FAM184A: variants seen among roughly 807,000 people sequenced by gnomAD.
FAM184A encodes protein FAM184A.
FAM184A carries 99 observed loss-of-function variants against 143.8 expected under a neutral mutation model. That is an observed-to-expected ratio of 0.69 (90% CI 0.58 to 0.81). The LOEUF (loss-of-function observed/expected upper bound fraction) is 0.81, where lower values mean the gene tolerates loss of function less well. Ranked by LOEUF, FAM184A falls within the 40% of genes least tolerant of loss-of-function variation. The pLI, the probability that FAM184A is intolerant of heterozygous loss-of-function variation, is 0.00. For missense variants in FAM184A, 1,217 were observed against 1,310.5 expected, an observed-to-expected ratio of 0.93 and a Z score of 1.10; for synonymous variants, 427 against 446.4, an observed-to-expected ratio of 0.96 and a Z score of 0.55.
chr6:119,075,818 T>C (rs1358840028), intron 1 of FAM184A, among the ~76,000 whole-genome samples: 2 of 152,218 alleles, frequency 1.3e-5, no homozygotes, highest in Non-Finnish European at 2.9e-5. Flanking sequence ...ATGCTTATGG[T>C]ATAGTATTTA....
chr6:118,978,423 C>T (rs1783912907), intron 11 of FAM184A, among the ~76,000 whole-genome samples: 1 of 152,208 alleles, frequency 6.6e-6, no homozygotes, highest in African/African-American at 2.4e-5. Flanking sequence ...CATTTCACTA[C>T]AATTCCTGTG....
intron 1 of FAM184A, among the ~76,000 whole-genome samples, chr6:119,035,246 C>A (rs578176386): frequency 6.0e-4 from 92 of 152,152 alleles, no homozygotes; most frequent in African/African-American, 2.0e-3. Context: ...CAAGAGCATT[C>A]CAAAGTTAAC....
intron 1 of FAM184A, among the ~76,000 whole-genome samples, chr6:119,052,816 G>C (rs1766738235): frequency 6.6e-6 from 1 of 152,160 alleles, no homozygotes. Flanking sequence ...TAAGGAATTT[G>C]AATTTCTAAA....
At chr6:118,985,061 G>A (rs1784150206) in intron 9 of FAM184A, among the ~76,000 whole-genome samples, 1 of 152,224 alleles carries the variant, frequency 6.6e-6, no homozygotes, top group Non-Finnish European at 1.5e-5. Flanking sequence ...ACTGCAGACT[G>A]TAATGGCTTA....
At chr6:119,037,434 G>C (rs1019985531) in intron 1 of FAM184A, among the ~76,000 whole-genome samples, 2 of 152,088 alleles carry the variant, frequency 1.3e-5, no homozygotes, top group Non-Finnish European at 2.9e-5. Flanking sequence ...CTGAGTAGCT[G>C]GGACTACAAG....
rs762273227 is a variant in FAM184A at position 119,078,264 on chromosome 6, A to T, written c.36T>A (p.Tyr12Ter). ...CGAATTTGGCCGCCGAGCCGCCGTA[A>T]TAGTGCTGCTGCCAGCTCATGCCCG... ...ATPGMSWQQHYYGGSAAKFAP... is the reference protein window; with the variant it reads ...ATPGMSWQQH Residue 12 changes from tyrosine (Y) to a stop codon, truncating the protein, a stop_gained, in exon 1 of 18, where the codon TAT becomes TAA. Transcript: ENST00000338891. LOFTEE classifies it high-confidence loss of function. This position sits in a 1 kb window ranked among gnomAD's most constrained non-coding sequence, Gnocchi z 5.5. 4.8e-5 allele frequency: 73 copies of T among 1,534,388 alleles called. No homozygotes were observed. Among genetic ancestry groups the T allele is most frequent in the Admixed American group, 1.4e-4 (7 of 51,114 alleles).
At chr6:119,082,553 T>A (rs765110819), upstream of FAM184A, among the ~76,000 whole-genome samples, 7 of 152,222 alleles carry the variant, frequency 4.6e-5, no homozygotes, top group Non-Finnish European at 1.0e-4. Flanking sequence ...TGGGAGAAAT[T>A]GGCCAAAACA....
At chr6:118,999,203 G>C (rs902588099) in intron 9 of FAM184A, among the ~76,000 whole-genome samples, 5 of 152,126 alleles carry the variant, frequency 3.3e-5, no homozygotes, top group Non-Finnish European at 7.4e-5. Flanking sequence ...GTTGAGGGGA[G>C]CTGGCGGTAC....
At chr6:119,025,336 A>G (rs1387403227) in intron 1 of FAM184A, 1 of 412,450 alleles carries the variant, frequency 2.4e-6, no homozygotes, top group Non-Finnish European at 4.7e-6. Flanking sequence ...CAAATTTTAA[A>G]CTTTCCTTTC....
intron 5 of FAM184A, among the ~76,000 whole-genome samples, chr6:119,015,877 G>GT (rs1461775380): frequency 6.6e-6 from 1 of 152,246 alleles, no homozygotes; most frequent in Non-Finnish European, 1.5e-5. Flanking sequence ...CTCAAGGTTT[G>GT]TGAGTGCACC....
chr6:119,025,331 T>C, intron 1 of FAM184A: 1 of 403,488 alleles, frequency 2.5e-6, no homozygotes. Flanking sequence ...TATTTCAAAT[T>C]TTAAACTTTC....
chr6:119,147,463 G>A (rs749467514), intron 1 of FAM184A, among the ~76,000 whole-genome samples: 31 of 152,248 alleles, frequency 2.0e-4, no homozygotes, highest in Non-Finnish European at 3.7e-4. Context: ...CTCTTGCCAG[G>A]CTGATCCTTG....
chr6:119,010,371 T>A (rs180968545), intron 6 of FAM184A, among the ~76,000 whole-genome samples: 26 of 152,328 alleles, frequency 1.7e-4, no homozygotes, highest in African/African-American at 6.0e-4. Flanking sequence ...GAGTGCTTAT[T>A]TCTTTATCGT....
chr6:119,021,871 G>A (rs950083986), intron 3 of FAM184A, among the ~76,000 whole-genome samples: 9 of 151,880 alleles, frequency 5.9e-5, no homozygotes, highest in African/African-American at 1.9e-4. Flanking sequence ...AGCTACTCAG[G>A]AAGCTGAAGT....
At chr6:119,034,776 T>C (rs1010292072) in intron 1 of FAM184A, among the ~76,000 whole-genome samples, 2 of 152,210 alleles carry the variant, frequency 1.3e-5, no homozygotes, top group South Asian at 2.1e-4. Context: ...CAGTATCTAA[T>C]ACATTATCAG....
intron 1 of FAM184A, among the ~76,000 whole-genome samples, chr6:119,120,058 C>T (rs887974958): frequency 6.6e-6 from 1 of 152,154 alleles, no homozygotes; most frequent in African/African-American, 2.4e-5. Flanking sequence ...GTATACAGTT[C>T]ACAGTCAGTT....
chr6:119,120,979 C>CTTT (rs11375906), intron 1 of FAM184A, among the ~76,000 whole-genome samples: 2 of 141,484 alleles, frequency 1.4e-5, no homozygotes, highest in African/African-American at 5.2e-5. Context: ...GAAAAACTTT[C>CTTT]TTTTTTTTTT....
chr6:119,061,609 C>T (rs1270162290), intron 1 of FAM184A, among the ~76,000 whole-genome samples: 1 of 138,218 alleles, frequency 7.2e-6, no homozygotes, highest in African/African-American at 2.8e-5. Flanking sequence ...AACTCCTGGC[C>T]TCAAGCAATC....
At chr6:119,064,930 A>G (rs1229305554) in intron 1 of FAM184A, among the ~76,000 whole-genome samples, 1 of 152,150 alleles carries the variant, frequency 6.6e-6, no homozygotes, top group East Asian at 1.9e-4. Context: ...TATTTCTACT[A>G]TTGATCTCTC....
Sources: allele counts gnomAD v4.1 joint callset (sites outside exome capture counted in the v4.1 genomes callset), GRCh38; gene constraint gnomAD v4.1.1; non-coding constraint Gnocchi (gnomAD v3.1); transcripts MANE v1.5; gene names NCBI Gene and HGNC (gene_info 2026-07-23, HGNC 2026-07-21).